Variants in USH2A observed in about 807,000 individuals in gnomAD.
USH2A encodes the protein usherin, also known as Usher syndrome 2A (autosomal recessive, mild).
Under a neutral mutation model 538.9 loss-of-function variants are expected in USH2A, and 443 were observed. The observed-to-expected ratio is 0.82, with a 90% confidence interval of 0.76 to 0.89. The LOEUF is 0.89. Among genes scored for constraint, USH2A ranks in the 40% least tolerant of loss-of-function variants. The probability of loss-of-function intolerance (pLI) is 0.00; values close to 1 mark genes in which losing one functional copy is unlikely to be tolerated. For synonymous variants in USH2A, 2,413 were observed against 2,273.5 expected, an observed-to-expected ratio of 1.06 and a Z score of -1.75; for missense variants, 6,633 against 6,324.8, an observed-to-expected ratio of 1.05 and a Z score of -1.65.
At chr1:216,072,060 T>C (rs2031574729) in intron 29 of USH2A, among the ~76,000 whole-genome samples, 3 of 152,190 alleles carry the variant, frequency 2.0e-5, no homozygotes, top group Non-Finnish European at 2.9e-5. Context: ...TGATTAAGTA[T>C]AAGAGAATAC....
At chr1:216,357,075 A>C (rs1462098598) in intron 4 of USH2A, among the ~76,000 whole-genome samples, 1 of 152,136 alleles carries the variant, frequency 6.6e-6, no homozygotes, top group Non-Finnish European at 1.5e-5. Flanking sequence ...TGCTAGAATT[A>C]TAGAAACACT....
intron 20 of USH2A, among the ~76,000 whole-genome samples, chr1:216,176,547 G>T (rs1052038320): frequency 2.6e-5 from 4 of 152,152 alleles, no homozygotes; most frequent in African/African-American, 9.7e-5. Flanking sequence ...AGATAAATCT[G>T]CATTGACACA....
At chr1:215,868,098 C>T (rs1664527613) in intron 43 of USH2A, among the ~76,000 whole-genome samples, 1 of 152,162 alleles carries the variant, frequency 6.6e-6, no homozygotes, top group South Asian at 2.1e-4. Flanking sequence ...GGCCTCAGAT[C>T]ATTACCTAAT....
intron 3 of USH2A, among the ~76,000 whole-genome samples, chr1:216,408,543 A>T (rs1420265013): frequency 6.6e-6 from 1 of 152,184 alleles, no homozygotes; most frequent in Non-Finnish European, 1.5e-5. Flanking sequence ...TAATTATAAC[A>T]ATACATTGTT....
chr1:216,250,580 A>C (rs1012802916), intron 12 of USH2A, among the ~76,000 whole-genome samples: 1 of 152,204 alleles, frequency 6.6e-6, no homozygotes, highest in African/African-American at 2.4e-5. Flanking sequence ...AACATTTTGA[A>C]AAAGTGCTAA....
intron 51 of USH2A, 75 bp from the exon 52 acceptor site, chr1:215,786,949 T>C: frequency 7.0e-7 from 1 of 1,433,650 alleles, no homozygotes; most frequent in Non-Finnish European, 9.6e-7. Flanking sequence ...GGTAGGCTTT[T>C]GTGACTTTCA....
chr1:216,214,643 T>C (rs936958624), intron 15 of USH2A, among the ~76,000 whole-genome samples: 3 of 152,024 alleles, frequency 2.0e-5, no homozygotes, highest in Non-Finnish European at 2.9e-5. Context: ...CAAGTCTAAA[T>C]TTACTAAAAT....
intron 32 of USH2A, among the ~76,000 whole-genome samples, chr1:216,007,010 A>T (rs1668408795): frequency 6.6e-6 from 1 of 152,160 alleles, no homozygotes; most frequent in African/African-American, 2.4e-5. Context: ...TAATTGAATC[A>T]TGGGGGCAGT....
Position 216,421,976 on chromosome 1 carries a change from G to C in USH2A, c.361C>G (p.His121Asp). 1 of 1,613,930 alleles carries C rather than the reference G, an allele frequency of 6.2e-7. No individual in the cohort carries two copies. ...AAAATAAAACTTGCAGAATTGCTATGGGCGTTAGGATGCAGATCATTCTTG... is the reference window on the plus strand; with the variant it reads ...AAAATAAAACTTGCAGAATTGCTATCGGCGTTAGGATGCAGATCATTCTTG... ...PDKNDLHPNA[H>D]SNSASFIFGN... is the part of the protein sequence containing the mutation. Residue 121 changes from histidine to aspartate, a missense_variant, in exon 2 of 72, where the codon CAT becomes GAT. Transcript: ENST00000307340.
intron 71 of USH2A, among the ~76,000 whole-genome samples, chr1:215,627,441 C>CTTCTTTCCTTCCTTCT (rs1377090201): frequency 1.5e-3 from 80 of 55,074 alleles, no homozygotes; most frequent in African/African-American, 4.0e-3. Flanking sequence ...TCCTTCCTTC[C>CTTCTTTCCTTCCTTCT]TTCCTTCCTT....
chr1:216,418,003 G>C (rs536647648), intron 3 of USH2A, among the ~76,000 whole-genome samples: 1 of 152,134 alleles, frequency 6.6e-6, no homozygotes, highest in East Asian at 1.9e-4. Context: ...AACTGTGGTT[G>C]ACAACTAAAA....
At chr1:216,200,394 G>A (rs929399221) in intron 16 of USH2A, among the ~76,000 whole-genome samples, 4 of 152,038 alleles carry the variant, frequency 2.6e-5, no homozygotes, top group Non-Finnish European at 5.9e-5. Flanking sequence ...CCTTTTGTTA[G>A]AAGGTCTAAG....
intron 38 of USH2A, 117 bp from the exon 39 acceptor site, chr1:215,901,022 A>G: frequency 8.2e-7 from 1 of 1,225,328 alleles, no homozygotes; most frequent in South Asian, 1.3e-5. Flanking sequence ...AACAATGTTA[A>G]ACATGGTCCA....
At chr1:216,393,398 A>G (rs2102749493) in intron 3 of USH2A, among the ~76,000 whole-genome samples, 1 of 152,360 alleles carries the variant, frequency 6.6e-6, no homozygotes, top group South Asian at 2.1e-4. Context: ...TAATTAAATA[A>G]GGTACATAAG....
chr1:215,895,511 T>C (rs1046282771), intron 40 of USH2A, among the ~76,000 whole-genome samples: 2 of 152,186 alleles, frequency 1.3e-5, no homozygotes. Flanking sequence ...TAGATCTAGA[T>C]TTCAATTGAC....
rs771610821 is a variant in USH2A at position 215,782,849 on chromosome 1, C to T, written c.10474G>A (p.Ala3492Thr). 5 of 1,613,844 alleles carry T rather than the reference C, an allele frequency of 3.1e-6. 1 individual carries two copies. The Middle Eastern group carries it at 4.9e-4, about 159-fold the overall frequency. Reference protein sequence around the residue: ...YGRGLSKAVRARTKEDVPQGV... With the variant: ...YGRGLSKAVRTRTKEDVPQGV... ...TGAGGCACATCTTCTTTTGTTCTGG[C>T]TCTCACAGCTTTGCTGAGTCCTCGC... Residue 3492 changes from alanine (A) to threonine (T), a missense_variant, in exon 53 of 72, where the codon GCC becomes ACC. Ala to Thr is a moderately conservative substitution (Grantham distance 58). Transcript: ENST00000307340.
At chr1:216,014,899 T>C (rs2102496038) in intron 32 of USH2A, among the ~76,000 whole-genome samples, 1 of 152,338 alleles carries the variant, frequency 6.6e-6, no homozygotes, top group African/African-American at 2.4e-5. Flanking sequence ...AATGAACCAG[T>C]AAGTAGGTGA....
chr1:216,121,302 T>G (rs1222020088), intron 21 of USH2A, among the ~76,000 whole-genome samples: 1 of 152,182 alleles, frequency 6.6e-6, no homozygotes, highest in Non-Finnish European at 1.5e-5. Context: ...TAATGATAAA[T>G]TTATGAATAA....
intron 20 of USH2A, among the ~76,000 whole-genome samples, chr1:216,176,186 G>A (rs1009169312): frequency 6.6e-6 from 1 of 151,942 alleles, no homozygotes; most frequent in Non-Finnish European, 1.5e-5. Flanking sequence ...CTCCTGTGGA[G>A]CACGGCTACA....
Sources: gnomAD v4.1 joint callset for allele counts (sites outside exome capture counted in the v4.1 genomes callset) on GRCh38, gnomAD v4.1.1 for gene constraint, MANE v1.5 for transcripts, NCBI Gene and HGNC (gene_info 2026-07-23, HGNC 2026-07-21) for gene names.